The following PCDHGA3 variants were observed in gnomAD, a reference collection of about 807,000 sequenced individuals.
PCDHGA3 encodes protocadherin gamma-A3.
In PCDHGA3, 40 loss-of-function variants were observed where a neutral mutation model predicts 58.5. The observed-to-expected ratio is 0.68, with a 90% CI of 0.53 to 0.89. PCDHGA3 has a LOEUF of 0.89. PCDHGA3 is among the 40% of genes least tolerant of loss of function. The probability of loss-of-function intolerance (pLI) is 0.00; values close to 1 mark genes in which losing one functional copy is unlikely to be tolerated. For missense variants in PCDHGA3, 1,223 were observed against 1,195.9 expected (o/e 1.02, Z -0.33); for synonymous variants, 530 against 525.7 (o/e 1.01, Z -0.11).
intron 1 of PCDHGA3, chr5:141,405,168 A>G: frequency 1.2e-6 from 2 of 1,613,960 alleles, no homozygotes. Flanking sequence ...CCCACCTCAC[A>G]CTTTGTGGGT....
chr5:141,477,037 G>A lies in PCDHGA3; in HGVS notation c.2425-17770G>A. ...TTGTAACCGGGATGCTGACAATCAAGGGTCGGCTGGACTTCGAGGACACCA... is the reference window on the plus strand; with the variant it reads ...TTGTAACCGGGATGCTGACAATCAAAGGTCGGCTGGACTTCGAGGACACCA... On this transcript the variant is annotated intron_variant, in intron 1 of 3. Coordinates refer to ENST00000253812, the MANE Select transcript of PCDHGA3 (RefSeq NM_018916.4). This position sits in a 1 kb window ranked among gnomAD's most constrained non-coding sequence, Gnocchi z 4.9. 6.2e-7 allele frequency: 1 copy of A among 1,614,266 alleles called. No individual in the cohort carries two copies. The highest frequency in any genetic ancestry group is 8.5e-7 in the Non-Finnish European group (1 of 1,180,052).
At chr5:141,375,313 A>C in intron 1 of PCDHGA3, 1 of 1,613,824 alleles carries the variant, frequency 6.2e-7, no homozygotes, top group Non-Finnish European at 8.5e-7. Context: ...ATGCAGCTCT[A>C]GACCGGGAAG....
intron 1 of PCDHGA3, chr5:141,411,305 C>T (rs1317785609): frequency 6.6e-6 from 1 of 152,176 alleles, no homozygotes; most frequent in Non-Finnish European, 1.5e-5. Context: ...CCCAGTGGCT[C>T]ACACCTATAA....
At chr5:141,424,092 C>G (rs1160250641) in intron 1 of PCDHGA3, 2 of 879,256 alleles carry the variant, frequency 2.3e-6, no homozygotes, top group Non-Finnish European at 2.8e-6. Context: ...CCATTATTTG[C>G]TATTACTGCT....
At chr5:141,394,416 A>G (rs1220964310) in intron 1 of PCDHGA3, 1 of 1,614,202 alleles carries the variant, frequency 6.2e-7, no homozygotes. Context: ...GGTAACAGCC[A>G]GCGACAGCGG....
At chr5:141,402,912 G>T (rs373067478) in intron 1 of PCDHGA3, 319 of 1,553,994 alleles carry the variant, frequency 2.1e-4, no homozygotes, top group East Asian at 2.5e-4. Flanking sequence ...GAAGCAGCGC[G>T]CACAGAGATC....
intron 1 of PCDHGA3, chr5:141,408,313 T>G (rs375849626): frequency 6.2e-7 from 1 of 1,613,758 alleles, no homozygotes; most frequent in African/African-American, 1.3e-5. Flanking sequence ...GCTACTCGAT[T>G]CCGGAGGAGC....
chr5:141,372,912 T>G, intron 1 of PCDHGA3: 1 of 1,057,916 alleles, frequency 9.5e-7, no homozygotes. Context: ...ATTACATTAT[T>G]TTATTGATTT....
intron 1 of PCDHGA3, among the ~76,000 whole-genome samples, chr5:141,469,568 T>C (rs942597017): frequency 6.6e-6 from 1 of 152,184 alleles, no homozygotes. Flanking sequence ...AGTGAGACTC[T>C]GTCTCTAAAT....
chr5:141,404,551 G>C (rs764332245), intron 1 of PCDHGA3: 1 of 1,613,866 alleles, frequency 6.2e-7, no homozygotes, highest in Non-Finnish European at 8.5e-7. Flanking sequence ...TGCAGGTGAC[G>C]GCAAGTGACA....
intron 1 of PCDHGA3, 106 bp from the exon 2 acceptor site, chr5:141,494,701 C>T: frequency 6.3e-7 from 1 of 1,594,596 alleles, no homozygotes; most frequent in Admixed American, 1.7e-5. Flanking sequence ...CCGTTTTCTT[C>T]TCTGTGCCCA....
intron 1 of PCDHGA3, among the ~76,000 whole-genome samples, chr5:141,482,985 C>T (rs971017271): frequency 1.3e-5 from 2 of 151,372 alleles, no homozygotes; most frequent in East Asian, 1.9e-4. Context: ...CTTGAGAGGT[C>T]GAGGCAGGAG....
At chr5:141,356,792 T>C (rs1319078295) in intron 1 of PCDHGA3, 11 of 1,613,838 alleles carry the variant, frequency 6.8e-6, no homozygotes, top group African/African-American at 4.0e-5. Context: ...CTGCAGCTGC[T>C]GATGACAGCC....
chr5:141,409,490 C>G (rs780688280), intron 1 of PCDHGA3: 12 of 1,613,892 alleles, frequency 7.4e-6, no homozygotes, highest in Non-Finnish European at 1.0e-5. Context: ...CAGGGGCAAG[C>G]CGCCTCTTTC....
rs534187376 is a variant in PCDHGA3 at position 141,512,974 on chromosome 5, A to G, written c.*1801A>G. ...AAAATAATAAAACGTTTCTTCTGAA[A>G]AGCTGAACGTTTCTGTATAAGCGAT... is the stretch of plus-strand genomic sequence containing the variant. On this transcript the variant is annotated 3_prime_UTR_variant, in exon 4 of 4. Transcript: ENST00000253812. The G allele has an allele frequency of 6.6e-6, 1 of 152,362 alleles. No individual in the cohort carries two copies. Among genetic ancestry groups the G allele is most frequent in the South Asian group, 2.1e-4 (1 of 4,826 alleles). The allele number at this position is 152,362 out of a possible 1,614,324, so 9.4% of individuals were successfully genotyped here. A position where few individuals can be genotyped will look rare whatever the true frequency, so the allele number is the denominator to read the frequency against.
chr5:141,346,784 C>T (rs539748939), intron 1 of PCDHGA3, among the ~76,000 whole-genome samples: 1 of 152,304 alleles, frequency 6.6e-6, no homozygotes, highest in East Asian at 1.9e-4. Context: ...CCTTGAGTAA[C>T]TATGATGAGA....
In PCDHGA3 at chr5:141,347,137, C is replaced by CTTTCTTTCTT. The variant is rs1554073405; in HGVS notation, c.2424+681_2424+682insTTCTTTCTTT. ...CTCCTTCCTTCCTTCCTCTGTTTCT[C>CTTTCTTTCTT]TCTTTCTTTCTTTCTTTCTTTCTTT... On this transcript the variant is annotated intron_variant, in intron 1 of 3. Coordinates refer to ENST00000253812, the MANE Select transcript of PCDHGA3 (RefSeq NM_018916.4). Among the ~76,000 whole-genome samples, 16 of 113,834 alleles carry CTTTCTTTCTT rather than the reference C, an allele frequency of 1.4e-4. No individual in the cohort carries two copies. The South Asian group carries it at 5.0e-3, about 36-fold the overall frequency. The allele number at this position is 113,834 out of a possible 152,430, so 74.7% of individuals were successfully genotyped here.
intron 2 of PCDHGA3, 105 bp downstream of exon 2, chr5:141,494,970 C>T (rs1352514628): frequency 1.9e-6 from 3 of 1,584,974 alleles, no homozygotes; most frequent in East Asian, 4.6e-5. Context: ...GATGGCTTCT[C>T]CCTCAGTTTG....
In PCDHGA3 at chr5:141,485,251, C is replaced by T. The variant is rs748522322; in HGVS notation, c.2425-9556C>T. 7 of 1,614,092 alleles carry T rather than the reference C, an allele frequency of 4.3e-6. No individual in the cohort carries two copies. In the South Asian group the frequency reaches 6.6e-5, roughly 15 times the overall value. On this transcript the variant is annotated intron_variant, in intron 1 of 3. Transcript: ENST00000253812. This position sits in a 1 kb window ranked among gnomAD's most constrained non-coding sequence, Gnocchi z 5.7. The stretch of plus-strand genomic sequence containing the variant: ...TGTTCCTCTTTTACCACCTGGGTTA[C>T]GTTTGTGGGCAGATCCGCTACCCGG...
Sources: allele counts gnomAD v4.1 joint callset (sites outside exome capture counted in the v4.1 genomes callset), GRCh38; gene constraint gnomAD v4.1.1; non-coding constraint Gnocchi (gnomAD v3.1); transcripts MANE v1.5; gene names NCBI Gene and HGNC (gene_info 2026-07-23, HGNC 2026-07-21).